The following DLGAP2 variants were observed in gnomAD, a reference collection of about 807,000 sequenced individuals.
DLGAP2 encodes disks large-associated protein 2.
In DLGAP2, 26 loss-of-function variants were observed where a neutral mutation model predicts 100.3. The observed-to-expected ratio is 0.26, with a 90% CI of 0.19 to 0.36. The LOEUF is 0.36. DLGAP2 is among the 10% of genes least tolerant of loss of function. The probability of loss-of-function intolerance (pLI) is 1.00; values close to 1 mark genes in which losing one functional copy is unlikely to be tolerated. For missense variants in DLGAP2, 1,858 were observed against 1,453.2 expected (o/e 1.28, Z -4.53); for synonymous variants, 886 against 630.1 (o/e 1.41, Z -6.08).
chr8:1,204,380 T>C (rs6558425), intron 2 of DLGAP2, among the ~76,000 whole-genome samples: 86,114 of 152,072 alleles, frequency 0.57, 26,747 homozygotes, highest in African/African-American at 0.83. Flanking sequence ...GAAAGATGGA[T>C]TTTGGAGTGA....
intron 3 of DLGAP2, among the ~76,000 whole-genome samples, chr8:1,463,829 G>A (rs1019413779): frequency 2.6e-5 from 4 of 152,220 alleles, no homozygotes; most frequent in Non-Finnish European, 5.9e-5. Context: ...GGAGGCGATG[G>A]TGTGGTTTGA....
chr8:1,458,280 T>C (rs1798378210), intron 3 of DLGAP2, among the ~76,000 whole-genome samples: 1 of 151,924 alleles, frequency 6.6e-6, no homozygotes, highest in Admixed American at 6.6e-5. Context: ...ATTTTTGAGT[T>C]TTTAAAATTC....
chr8:1,256,451 G>T (rs1479758639), intron 2 of DLGAP2, among the ~76,000 whole-genome samples: 1 of 125,056 alleles, frequency 8.0e-6, no homozygotes, highest in Non-Finnish European at 1.6e-5. Context: ...CTCCTGCCCA[G>T]GTGCTGTGCG....
At chr8:1,628,298 C>T in intron 7 of DLGAP2, among the ~76,000 whole-genome samples, 1 of 145,434 alleles carries the variant, frequency 6.9e-6, no homozygotes, top group African/African-American at 2.7e-5. Context: ...TACTGTGGAG[C>T]AGGAATTAAG....
intron 6 of DLGAP2, among the ~76,000 whole-genome samples, chr8:1,614,231 A>T (rs549350672): frequency 6.6e-6 from 1 of 152,320 alleles, no homozygotes; most frequent in East Asian, 1.9e-4. Flanking sequence ...CAGGCAGAAA[A>T]AAAACGGATG....
At chr8:980,797 G>A (rs1228293796) in intron 2 of DLGAP2, among the ~76,000 whole-genome samples, 2 of 152,118 alleles carry the variant, frequency 1.3e-5, no homozygotes, top group African/African-American at 2.4e-5. Context: ...CTGAGCGTTT[G>A]GATGACCTGG....
At chr8:1,616,613 A>G (rs920796677) in intron 6 of DLGAP2, among the ~76,000 whole-genome samples, 1 of 152,232 alleles carries the variant, frequency 6.6e-6, no homozygotes, top group Non-Finnish European at 1.5e-5. Context: ...AAAAACATCT[A>G]TTGATTCAGA....
chr8:1,079,076 G>A (rs578123993), intron 2 of DLGAP2, among the ~76,000 whole-genome samples: 1 of 152,256 alleles, frequency 6.6e-6, no homozygotes, highest in Admixed American at 6.5e-5. Flanking sequence ...ATGCTGTCAG[G>A]GTCTAGCTTG....
At chr8:1,442,109 G>C (rs1297295142) in intron 3 of DLGAP2, among the ~76,000 whole-genome samples, 1 of 152,234 alleles carries the variant, frequency 6.6e-6, no homozygotes, top group Admixed American at 6.5e-5. Flanking sequence ...CTCTGACCTG[G>C]CTAGGAGACA....
intron 2 of DLGAP2, among the ~76,000 whole-genome samples, chr8:965,173 C>T (rs1471665622): frequency 6.5e-5 from 9 of 139,190 alleles, no homozygotes; most frequent in Non-Finnish European, 1.2e-4. Flanking sequence ...CTGACCCCTG[C>T]GCTGCACACG....
At chr8:883,229 C>G (rs142069145) in intron 1 of DLGAP2, 1 of 152,284 alleles carries the variant, frequency 6.6e-6, no homozygotes, top group East Asian at 1.9e-4. Flanking sequence ...ACGGCCTCCA[C>G]GTGCAGTGAC....
chr8:1,529,921 G>C (rs140397195), intron 4 of DLGAP2, among the ~76,000 whole-genome samples: 1 of 152,138 alleles, frequency 6.6e-6, no homozygotes, highest in Non-Finnish European at 1.5e-5. Context: ...CAAAAGGGGA[G>C]GGAGTGTGCG....
At chr8:1,116,911 C>T (rs1805135537) in intron 2 of DLGAP2, among the ~76,000 whole-genome samples, 1 of 152,140 alleles carries the variant, frequency 6.6e-6, no homozygotes, top group East Asian at 1.9e-4. Context: ...AAGACAGAAA[C>T]CAAAGCAAAA....
chr8:946,723 T>C (rs1799335803), intron 2 of DLGAP2, among the ~76,000 whole-genome samples: 1 of 152,188 alleles, frequency 6.6e-6, no homozygotes, highest in Non-Finnish European at 1.5e-5. Context: ...TCACTCTGAG[T>C]GTCAGGACTG....
At chr8:883,645 C>A (rs865852090) in intron 1 of DLGAP2, among the ~76,000 whole-genome samples, 2 of 148,492 alleles carry the variant, frequency 1.3e-5, no homozygotes, top group Non-Finnish European at 1.5e-5. Context: ...GCGCGGGTGC[C>A]GCGGCGGTTC....
intron 2 of DLGAP2, among the ~76,000 whole-genome samples, chr8:1,060,124 G>C (rs1295063132): frequency 1.3e-5 from 2 of 152,196 alleles, no homozygotes; most frequent in African/African-American, 4.8e-5. Flanking sequence ...GTGAACCACG[G>C]AGTGGGTGCT....
intron 3 of DLGAP2, among the ~76,000 whole-genome samples, chr8:1,286,340 A>G (rs1799921116): frequency 6.6e-6 from 1 of 152,210 alleles, no homozygotes; most frequent in African/African-American, 2.4e-5. Context: ...AGTTTGGGGC[A>G]GTTCTTTATA....
At chr8:1,106,580 T>TAGG (rs1421993775) in intron 2 of DLGAP2, among the ~76,000 whole-genome samples, 1 of 149,738 alleles carries the variant, frequency 6.7e-6, no homozygotes, top group Non-Finnish European at 1.5e-5. Context: ...GGGGCCATTC[T>TAGG]AGGAGGGTTT....
intron 1 of DLGAP2, among the ~76,000 whole-genome samples, chr8:827,964 C>T (rs914704553): frequency 1.1e-4 from 17 of 152,126 alleles, no homozygotes; most frequent in African/African-American, 3.9e-4. Flanking sequence ...TCCGTGATGC[C>T]CCACAAGCCA....
Sources: allele counts gnomAD v4.1 joint callset (sites outside exome capture counted in the v4.1 genomes callset), GRCh38; gene constraint gnomAD v4.1.1; transcripts MANE v1.5; gene names NCBI Gene and HGNC (gene_info 2026-07-23, HGNC 2026-07-21).